The following FUBP1 variants were observed in gnomAD, a reference collection of about 807,000 sequenced individuals.
FUBP1 encodes the protein far upstream element binding protein 1, also known as far upstream element-binding protein 1.
Under a neutral mutation model 94.9 loss-of-function variants are expected in FUBP1, and 16 were observed. The ratio of observed to expected loss-of-function variants is 0.17; its 90% CI spans 0.11 to 0.26. The LOEUF is 0.26. Among genes scored for constraint, FUBP1 ranks in the 10% least tolerant of loss-of-function variants. The pLI, the probability that FUBP1 is intolerant of heterozygous loss-of-function variation, is 1.00. For missense variants in FUBP1, 583 were observed against 808.6 expected (o/e 0.72, Z 3.38); for synonymous variants, 279 against 254.9 (o/e 1.09, Z -0.90).
chr1:77,969,826 A>G, intron 2 of FUBP1, 99 bp downstream of exon 2: 1 of 525,652 alleles, frequency 1.9e-6, no homozygotes, highest in Non-Finnish European at 3.3e-6. Context: ...CAACCTTATA[A>G]TAAAAGTTAA....
At chr1:77,973,286 C>T (rs537834461) in intron 1 of FUBP1, among the ~76,000 whole-genome samples, 2 of 152,180 alleles carry the variant, frequency 1.3e-5, no homozygotes, top group East Asian at 3.9e-4. Flanking sequence ...CAAGATGTTA[C>T]CCAGACTAGA....
intron 14 of FUBP1, among the ~76,000 whole-genome samples, chr1:77,961,179 AC>A (rs1278155992): frequency 1.3e-5 from 2 of 152,134 alleles, no homozygotes; most frequent in Non-Finnish European, 2.9e-5. Flanking sequence ...ATAACGCTTA[AC>A]TGATTTCTGT....
chr1:77,962,250 C>T (rs1043746657), intron 14 of FUBP1, among the ~76,000 whole-genome samples: 33 of 152,154 alleles, frequency 2.2e-4, no homozygotes, highest in African/African-American at 8.0e-4. Context: ...CTATCCCAGA[C>T]ATTTTGAGTC....
At chr1:77,951,581 T>C (rs1653476199) in intron 18 of FUBP1, among the ~76,000 whole-genome samples, 1 of 152,216 alleles carries the variant, frequency 6.6e-6, no homozygotes, top group Non-Finnish European at 1.5e-5. Flanking sequence ...TCTTGCTCTG[T>C]CACCTAGGCC....
chr1:77,970,912 G>A (rs148884305), intron 1 of FUBP1, among the ~76,000 whole-genome samples: 1,773 of 152,060 alleles, frequency 0.012, 33 homozygotes, highest in African/African-American at 0.041. Context: ...GTGTGGTGGT[G>A]CACGCCCATA....
In FUBP1 at chr1:77,967,507, T is replaced by C. The variant is rs532962470; in HGVS notation, c.290+120A>G. ...TGGTACCTTCCCAAGGGGAGTGATA[T>C]GAACTAGGTACACCAAAAAATACAC... On this transcript the variant is annotated intron_variant, in intron 4 of 19. Coordinates refer to ENST00000370768, the MANE Select transcript of FUBP1 (RefSeq NM_003902.5). 167 of 709,688 alleles carry C rather than the reference T, an allele frequency of 2.4e-4. 1 individual carries two copies. The South Asian group carries it at 3.5e-3, about 15-fold the overall frequency. The allele number at this position is 709,688 out of a possible 1,614,324, so 44.0% of individuals were successfully genotyped here. A position where few individuals can be genotyped will look rare whatever the true frequency, so the allele number is the denominator to read the frequency against.
chr1:77,970,030 GAAAAA>G lies in FUBP1; in HGVS notation c.121-20_121-16del. ...TTTGCTGCAATCTAAAAAAAAAAAA[GAAAAA>G]TACCATCATAAACTATTATATACTA... is the stretch of plus-strand genomic sequence containing the variant. On this transcript the variant is annotated splice_polypyrimidine_tract_variant and intron_variant, in intron 1 of 19. Coordinates refer to ENST00000370768, the MANE Select transcript of FUBP1 (RefSeq NM_003902.5). The G allele has an allele frequency of 8.2e-7, 1 of 1,213,580 alleles. No homozygotes were observed. Among genetic ancestry groups the G allele is most frequent in the Non-Finnish European group, 1.2e-6 (1 of 836,704 alleles). 75.2% of individuals were successfully genotyped at this position (1,213,580 alleles called of 1,614,324 possible). A position where few individuals can be genotyped will look rare whatever the true frequency, so the allele number is the denominator to read the frequency against.
chr1:77,960,086 G>A, intron 16 of FUBP1, 98 bp downstream of exon 16: 2 of 822,718 alleles, frequency 2.4e-6, no homozygotes, highest in Non-Finnish European at 4.1e-6. Flanking sequence ...GTGAGTGAAG[G>A]TGATGCATAC....
chr1:77,979,015 T>C lies in FUBP1; in HGVS notation c.-11A>G, dbSNP rs759510512. Reference sequence around the variant, plus strand: ...TGAATAGTCTGCCATGGTTGCACTATAAGAGCCGCTGCCGCCTGTTCAGAG... The same window carrying C: ...TGAATAGTCTGCCATGGTTGCACTACAAGAGCCGCTGCCGCCTGTTCAGAG... On this transcript the variant is annotated 5_prime_UTR_variant, in exon 1 of 20. Coordinates refer to ENST00000370768, the MANE Select transcript of FUBP1 (RefSeq NM_003902.5). 4 of 1,602,870 alleles carry C rather than the reference T, an allele frequency of 2.5e-6. No individual in the cohort carries two copies. The highest frequency in any genetic ancestry group is 2.2e-5 in the East Asian group (1 of 44,542).
At chr1:77,950,931 CAG>C (rs1481804996) in intron 18 of FUBP1, among the ~76,000 whole-genome samples, 1 of 151,964 alleles carries the variant, frequency 6.6e-6, no homozygotes, top group African/African-American at 2.4e-5. Context: ...TCTTGGGTAA[CAG>C]AGAACTCTCA....
At chr1:77,974,704 T>C (rs1015560783) in intron 1 of FUBP1, among the ~76,000 whole-genome samples, 1 of 152,366 alleles carries the variant, frequency 6.6e-6, no homozygotes, top group East Asian at 1.9e-4. Context: ...TAGATACATA[T>C]GTATAGGAAA....
chr1:77,969,785 T>A, intron 2 of FUBP1, 140 bp downstream of exon 2: 1 of 416,680 alleles, frequency 2.4e-6, no homozygotes. Flanking sequence ...CTTTCCCCCC[T>A]TTTAGGCCAA....
Position 77,969,058 on chromosome 1 carries a change from T to C in FUBP1, c.212-855A>G, listed in dbSNP as rs1193622515. The C allele has an allele frequency of 3.9e-6, 5 of 1,289,710 alleles. No individual in the cohort carries two copies. In the African/African-American group the frequency reaches 6.1e-5, roughly 16 times the overall value. The allele number at this position is 1,289,710 out of a possible 1,614,324, so 79.9% of individuals were successfully genotyped here. Reference sequence around the variant, plus strand: ...GAGGGCATTCCCTCCCAGTGTGTTGTACTGCTCGGACTTGTCCAAGAGCCA... The same window carrying C: ...GAGGGCATTCCCTCCCAGTGTGTTGCACTGCTCGGACTTGTCCAAGAGCCA... On this transcript the variant is annotated intron_variant, in intron 2 of 19. Transcript: ENST00000370768.
Position 77,948,171 on chromosome 1 carries a change from A to G in FUBP1, c.*595T>C, listed in dbSNP as rs1426334732. The G allele has an allele frequency of 1.9e-6, 2 of 1,042,890 alleles. No homozygotes were observed. The highest frequency in any genetic ancestry group is 3.3e-5 in the African/African-American group (2 of 59,922). 64.6% of individuals were successfully genotyped at this position (1,042,890 alleles called of 1,614,324 possible). On this transcript the variant is annotated 3_prime_UTR_variant, in exon 20 of 20. Coordinates refer to ENST00000370768, the MANE Select transcript of FUBP1 (RefSeq NM_003902.5). The stretch of plus-strand genomic sequence containing the variant: ...ACACACATGCAGTTTTTAATCAAAC[A>G]GAAGGAAAAAAAATGAAGATATCAG...
chr1:77,953,348 G>A (rs1475760256), intron 18 of FUBP1, among the ~76,000 whole-genome samples: 3 of 151,334 alleles, frequency 2.0e-5, no homozygotes, highest in South Asian at 2.1e-4. Context: ...AAAATCAGCC[G>A]GATGTGGTAG....
chr1:77,969,050 G>T, intron 2 of FUBP1: 1 of 1,288,818 alleles, frequency 7.8e-7, no homozygotes, highest in Non-Finnish European at 1.0e-6. Context: ...TTCCCTCCCA[G>T]TGTGTTGTAC....
At position 77,945,038 on chromosome 1, in the gene FUBP1, T is replaced by C. The variant is rs1177353009; in HGVS notation, c.*3728A>G. ...GTTTCTAACACTAATATCCAATGCATTCAAATCAACTGGCTCACCTTTTCT... is the reference window on the plus strand; with the variant it reads ...GTTTCTAACACTAATATCCAATGCACTCAAATCAACTGGCTCACCTTTTCT... On this transcript the variant is annotated 3_prime_UTR_variant, in exon 20 of 20. Transcript: ENST00000370768. 6.6e-6 allele frequency among the ~76,000 whole-genome samples: 1 copy of C among 151,982 alleles called. No homozygotes were observed. The highest frequency in any genetic ancestry group is 2.4e-5 in the African/African-American group (1 of 41,426).
intron 1 of FUBP1, among the ~76,000 whole-genome samples, chr1:77,972,103 G>A (rs903402110): frequency 6.6e-6 from 1 of 150,780 alleles, no homozygotes; most frequent in African/African-American, 2.4e-5. Context: ...TTTTGTTTCT[G>A]GGTGTCTAAT....
chr1:77,967,597 G>A, intron 4 of FUBP1, 30 bp downstream of exon 4: 1 of 1,552,998 alleles, frequency 6.4e-7, no homozygotes, highest in African/African-American at 1.4e-5. Flanking sequence ...AAAACTTGCA[G>A]AGTACTTTTT....
Sources: allele counts gnomAD v4.1 joint callset (sites outside exome capture counted in the v4.1 genomes callset), GRCh38; gene constraint gnomAD v4.1.1; transcripts MANE v1.5; gene names NCBI Gene and HGNC (gene_info 2026-07-23, HGNC 2026-07-21).